Variants in LHFPL2 observed in about 807,000 individuals in gnomAD.
LHFPL2 encodes LHFPL tetraspan subfamily member 2 protein.
Under a neutral mutation model 17.5 loss-of-function variants are expected in LHFPL2, and 7 were observed. The ratio of observed to expected loss-of-function variants is 0.40; its 90% CI spans 0.23 to 0.75. The LOEUF is 0.75. LHFPL2 is among the 30% of genes least tolerant of loss of function. LHFPL2 has a pLI of 0.37. For missense variants in LHFPL2, 241 were observed against 294.8 expected, an observed-to-expected ratio of 0.82 and a Z score of 1.34; for synonymous variants, 134 against 116.2, an observed-to-expected ratio of 1.15 and a Z score of -0.99.
chr5:78,490,732 G>A (rs1041232798), intron 4 of LHFPL2, among the ~76,000 whole-genome samples: 2 of 116,490 alleles, frequency 1.7e-5, no homozygotes, highest in South Asian at 5.8e-4. Context: ...TGGCAAAAGA[G>A]TGAGACTCCC....
At chr5:78,521,229 T>G (rs568186141) in intron 3 of LHFPL2, among the ~76,000 whole-genome samples, 2 of 152,340 alleles carry the variant, frequency 1.3e-5, no homozygotes, top group African/African-American at 4.8e-5. Context: ...AATTAACGTG[T>G]GCTATTTATC....
chr5:78,588,717 C>A (rs1045759384), intron 2 of LHFPL2, among the ~76,000 whole-genome samples: 1 of 152,172 alleles, frequency 6.6e-6, no homozygotes, highest in Non-Finnish European at 1.5e-5. Flanking sequence ...ACCTCTCTAG[C>A]CTCAATTTTC....
intron 3 of LHFPL2, among the ~76,000 whole-genome samples, chr5:78,547,793 G>A (rs909411036): frequency 2.0e-5 from 3 of 152,226 alleles, no homozygotes; most frequent in African/African-American, 7.2e-5. Flanking sequence ...GCCGCTCAGC[G>A]GAAGCATGAC....
intron 3 of LHFPL2, among the ~76,000 whole-genome samples, chr5:78,530,670 T>C (rs893557017): frequency 3.9e-5 from 6 of 152,210 alleles, no homozygotes; most frequent in Admixed American, 2.0e-4. Context: ...TTTTATAACA[T>C]GGAACCCAAA....
At chr5:78,623,573 C>T (rs6884327) in intron 2 of LHFPL2, among the ~76,000 whole-genome samples, 11,186 of 152,264 alleles carry the variant, frequency 0.073, 1,387 homozygotes, top group African/African-American at 0.25. Context: ...TGAAACTCTT[C>T]TGCACTAAAG....
At position 78,504,653 on chromosome 5, in the gene LHFPL2, C is replaced by T. The variant is rs146663013; in HGVS notation, c.430+5131G>A. Among the ~76,000 whole-genome samples, 586 of 152,340 alleles carry T rather than the reference C, an allele frequency of 3.8e-3. 6 individuals are homozygous for T. Among genetic ancestry groups the T allele is most frequent in the African/African-American group, 0.014 (562 of 41,582 alleles). On this transcript the variant is annotated intron_variant, in intron 4 of 4. Transcript: ENST00000380345. Reference sequence around the variant, plus strand: ...ATAAGCAGCAAAGGCAAAACCCCCACGTGTCTGTCTCTGCTTTTCCTTTTA... The same window carrying T: ...ATAAGCAGCAAAGGCAAAACCCCCATGTGTCTGTCTCTGCTTTTCCTTTTA...
chr5:78,534,651 G>A (rs907008632), intron 3 of LHFPL2, among the ~76,000 whole-genome samples: 6 of 152,198 alleles, frequency 3.9e-5, no homozygotes, highest in African/African-American at 1.2e-4. Context: ...GCGGCTCCAG[G>A]TCCTTGAGGG....
At chr5:78,637,476 C>T (rs1020278213) in intron 1 of LHFPL2, among the ~76,000 whole-genome samples, 3 of 152,162 alleles carry the variant, frequency 2.0e-5, no homozygotes, top group African/African-American at 7.2e-5. Context: ...GGATTAAAGG[C>T]ATCCCTGCAC....
intron 2 of LHFPL2, among the ~76,000 whole-genome samples, chr5:78,612,756 C>T (rs942773113): frequency 1.3e-5 from 2 of 152,218 alleles, no homozygotes; most frequent in Non-Finnish European, 1.5e-5. Flanking sequence ...TGGTGCCAGG[C>T]GCAGTCTTCA....
In LHFPL2 at chr5:78,510,130, G is replaced by A. The variant is rs1322684067; in HGVS notation, c.84C>T (p.Phe28=). 1.2e-6 allele frequency: 2 copies of A among 1,613,176 alleles called. No homozygotes were observed. Among genetic ancestry groups the A allele is most frequent in the East Asian group, 2.2e-5 (1 of 44,840 alleles). ...IVVAFAELIA[F]MSADWLIGKA... ...TCCCGATCAGCCAGTCTGCACTCAT[G>A]AAGGCAATGAGCTCGGCAAAAGCCA... The change falls in exon 4 of 5, where the codon TTC becomes TTT. Residue 28 remains phenylalanine (F), a synonymous_variant. Transcript: ENST00000380345.
intron 3 of LHFPL2, among the ~76,000 whole-genome samples, chr5:78,525,862 A>G (rs1488418564): frequency 1.3e-5 from 2 of 152,254 alleles, no homozygotes; most frequent in Non-Finnish European, 2.9e-5. Context: ...GACAGTTGTG[A>G]TGGAGCTAAG....
At chr5:78,527,369 T>TG (rs1040590852) in intron 3 of LHFPL2, among the ~76,000 whole-genome samples, 2 of 147,714 alleles carry the variant, frequency 1.4e-5, no homozygotes, top group African/African-American at 5.1e-5. Context: ...AGGAGTTTTT[T>TG]TTTTTTTTTT....
intron 2 of LHFPL2, among the ~76,000 whole-genome samples, chr5:78,573,365 A>T (rs899977206): frequency 6.6e-6 from 1 of 152,220 alleles, no homozygotes. Context: ...ATAGGAAAAA[A>T]TACTGGTTGG....
intron 3 of LHFPL2, among the ~76,000 whole-genome samples, chr5:78,538,676 T>C (rs1201317740): frequency 6.6e-6 from 1 of 152,212 alleles, no homozygotes; most frequent in African/African-American, 2.4e-5. Context: ...ATCACCTGCA[T>C]CTGCTTATTC....
At chr5:78,492,877 G>A (rs1333602840) in intron 4 of LHFPL2, among the ~76,000 whole-genome samples, 3 of 152,138 alleles carry the variant, frequency 2.0e-5, no homozygotes, top group East Asian at 1.9e-4. Context: ...GCACAAGAGC[G>A]CCTTAACCCA....
intron 2 of LHFPL2, among the ~76,000 whole-genome samples, chr5:78,583,349 C>T (rs1445683014): frequency 2.6e-5 from 4 of 151,732 alleles, no homozygotes; most frequent in Non-Finnish European, 5.9e-5. Flanking sequence ...TGATTTTGCT[C>T]GTTAGTTGAT....
chr5:78,646,201 C>T lies in LHFPL2; in HGVS notation c.-350+2298G>A, dbSNP rs1208496614. Among the ~76,000 whole-genome samples, 4 of 152,178 alleles carry T rather than the reference C, an allele frequency of 2.6e-5. No individual in the cohort carries two copies. In the East Asian group the frequency reaches 7.7e-4, roughly 29 times the overall value. Reference sequence around the variant, plus strand: ...CCTGGAAATGGAGGCCCAGAAAAGGCTAATCAGAATGAGCCAAAAGGATGC... The same window carrying T: ...CCTGGAAATGGAGGCCCAGAAAAGGTTAATCAGAATGAGCCAAAAGGATGC... On this transcript the variant is annotated intron_variant, in intron 1 of 4. Transcript: ENST00000380345.
intron 4 of LHFPL2, 54 bp from the exon 5 acceptor site, chr5:78,489,207 C>T: frequency 1.3e-6 from 2 of 1,590,108 alleles, no homozygotes; most frequent in South Asian, 2.2e-5. Flanking sequence ...CTACAACTGT[C>T]CAGATCTGTT....
At chr5:78,635,711 G>A (rs559847416) in intron 1 of LHFPL2, among the ~76,000 whole-genome samples, 1 of 152,318 alleles carries the variant, frequency 6.6e-6, no homozygotes, top group African/African-American at 2.4e-5. Context: ...GCTGAGGCAG[G>A]AGAATGGTGT....
Sources: allele counts gnomAD v4.1 joint callset (sites outside exome capture counted in the v4.1 genomes callset), GRCh38; gene constraint gnomAD v4.1.1; transcripts MANE v1.5; gene names NCBI Gene and HGNC (gene_info 2026-07-23, HGNC 2026-07-21).